RBFOX2: variants seen among roughly 807,000 people sequenced by gnomAD.
RBFOX2 encodes RNA binding fox-1 homolog 2.
RBFOX2 carries 10 observed loss-of-function variants against 49.1 expected under a neutral mutation model. The observed-to-expected ratio is 0.20, with a 90% confidence interval of 0.13 to 0.35. The LOEUF (loss-of-function observed/expected upper bound fraction) is 0.35. Ranked by LOEUF, RBFOX2 falls within the 10% of genes least tolerant of loss-of-function variation. The pLI is 1.00. For synonymous variants in RBFOX2, 183 were observed against 187.4 expected, an observed-to-expected ratio of 0.98 and a Z score of 0.19; for missense variants, 323 against 486.9, an observed-to-expected ratio of 0.66 and a Z score of 3.17.
In RBFOX2 at chr22:36,016,186, T is replaced by A. The variant is rs376249505; in HGVS notation, c.186+12054A>T. 2.0e-3 allele frequency among the ~76,000 whole-genome samples: 304 copies of A among 151,988 alleles called. 1 individual carries two copies. The highest frequency in any genetic ancestry group is 5.8e-3 in the South Asian group (28 of 4,812). The stretch of plus-strand genomic sequence containing the variant: ...CACTCCTTCAAACAATTCCAATTTG[T>A]ATGGGAAAAAGCTTCTTAAAAGAAA... On this transcript the variant is annotated intron_variant, in intron 1 of 13. Coordinates refer to the RBFOX2 transcript ENST00000438146.
chr22:35,850,019 C>T (rs142314899), intron 1 of RBFOX2, among the ~76,000 whole-genome samples: 2,401 of 152,120 alleles, frequency 0.016, 29 homozygotes, highest in Non-Finnish European at 0.023. Context: ...GGTAGGAAGT[C>T]TAAGGTATCC....
chr22:35,857,456 G>T (rs148482513), intron 1 of RBFOX2, among the ~76,000 whole-genome samples: 19 of 152,302 alleles, frequency 1.2e-4, no homozygotes, highest in Middle Eastern at 3.4e-3. Context: ...TAAGAGAAAG[G>T]TTCTAATTCT....
intron 1 of RBFOX2, among the ~76,000 whole-genome samples, chr22:35,854,989 A>G (rs1038297566): frequency 2.0e-5 from 3 of 152,152 alleles, no homozygotes; most frequent in Admixed American, 6.5e-5. Flanking sequence ...ATGTAGCCTC[A>G]GTTATTAACA....
intron 1 of RBFOX2, among the ~76,000 whole-genome samples, chr22:35,830,826 A>G (rs1052797607): frequency 4.6e-5 from 7 of 152,234 alleles, no homozygotes; most frequent in Non-Finnish European, 7.3e-5. Flanking sequence ...ATGAAAAGCA[A>G]TAAGGTATAA....
chr22:35,981,990 C>A (rs1169457923), intron 1 of RBFOX2, among the ~76,000 whole-genome samples: 2 of 152,176 alleles, frequency 1.3e-5, no homozygotes, highest in African/African-American at 2.4e-5. Flanking sequence ...GGAATGTAGG[C>A]ATAACAGCTA....
intron 1 of RBFOX2, among the ~76,000 whole-genome samples, chr22:36,023,091 T>C (rs1045430899): frequency 2.0e-5 from 3 of 152,188 alleles, no homozygotes; most frequent in African/African-American, 4.8e-5. Context: ...AATATTTTTA[T>C]AACTCTTCTT....
Position 35,892,321 on chromosome 22 carries a change from C to T in RBFOX2, c.-34+46526G>A, listed in dbSNP as rs2047345452. ...GTTTCTGAAACCCGTATTCTTTTCA[C>T]CACCTCATGCTGCCAACTGACGCTA... On this transcript the variant is annotated intron_variant, in intron 1 of 13. Transcript: ENST00000359369. Among the ~76,000 whole-genome samples the T allele has an allele frequency of 3.3e-5, 5 of 152,258 alleles. No individual in the cohort carries two copies. The South Asian group carries it at 8.3e-4, about 25-fold the overall frequency.
At chr22:35,965,796 G>A (rs530203997), upstream of RBFOX2, among the ~76,000 whole-genome samples, 1 of 152,232 alleles carries the variant, frequency 6.6e-6, no homozygotes, top group Admixed American at 6.5e-5. Context: ...AGCTCGACAG[G>A]AAAAGGATCA....
intron 1 of RBFOX2, chr22:36,000,005 A>ATATATTTT (rs10625815): frequency 5.0e-5 from 6 of 118,984 alleles, no homozygotes; most frequent in Non-Finnish European, 8.5e-5. Context: ...ATATATATAT[A>ATATATTTT]TTTTTTTTTT....
chr22:35,962,932 C>T (rs912495830), upstream of RBFOX2, among the ~76,000 whole-genome samples: 1 of 151,610 alleles, frequency 6.6e-6, no homozygotes, highest in Non-Finnish European at 1.5e-5. Flanking sequence ...GTAATAAGGG[C>T]TCCAAGCAGG....
upstream of RBFOX2, among the ~76,000 whole-genome samples, chr22:35,940,661 T>A (rs1388362040): frequency 6.6e-6 from 1 of 151,732 alleles, no homozygotes; most frequent in Non-Finnish European, 1.5e-5. Flanking sequence ...CATTATTTCA[T>A]AATAACCAAA....
intron 1 of RBFOX2, among the ~76,000 whole-genome samples, chr22:35,971,912 TAAAAAAA>T (rs527896726): frequency 1.0e-3 from 58 of 56,602 alleles, no homozygotes; most frequent in Non-Finnish European, 2.7e-4. Flanking sequence ...TTTTTCTCCC[TAAAAAAA>T]AAAAAAAAAA....
intron 1 of RBFOX2, among the ~76,000 whole-genome samples, chr22:36,018,605 A>G (rs548215656): frequency 1.3e-5 from 2 of 152,182 alleles, no homozygotes; most frequent in East Asian, 3.9e-4. Flanking sequence ...GCGTGGAGTA[A>G]CAAATTGACT....
intron 2 of RBFOX2, among the ~76,000 whole-genome samples, chr22:35,798,547 G>T (rs1297352826): frequency 6.6e-6 from 1 of 152,176 alleles, no homozygotes; most frequent in Non-Finnish European, 1.5e-5. Context: ...TAAAAGAGGA[G>T]TAATAACGAT....
intron 1 of RBFOX2, among the ~76,000 whole-genome samples, chr22:35,893,010 C>T (rs1349252645): frequency 2.0e-5 from 3 of 152,182 alleles, no homozygotes; most frequent in African/African-American, 4.8e-5. Context: ...TCCTTCTGCA[C>T]GTCCTCAATG....
intron 4 of RBFOX2, among the ~76,000 whole-genome samples, chr22:35,770,018 T>A (rs926807151): frequency 7.2e-5 from 11 of 152,318 alleles, no homozygotes; most frequent in Non-Finnish European, 1.2e-4. Context: ...CTAAAGAATG[T>A]GTAAGTTTGT....
At chr22:35,885,472 A>C (rs2046438200) in intron 1 of RBFOX2, among the ~76,000 whole-genome samples, 1 of 152,236 alleles carries the variant, frequency 6.6e-6, no homozygotes, top group Non-Finnish European at 1.5e-5. Flanking sequence ...CAAGAGCATA[A>C]AGATCATCTG....
At chr22:35,923,630 C>T (rs1001890152) in intron 1 of RBFOX2, among the ~76,000 whole-genome samples, 1 of 152,052 alleles carries the variant, frequency 6.6e-6, no homozygotes, top group African/African-American at 2.4e-5. Flanking sequence ...CAATTTTATG[C>T]CACTTATTAC....
At chr22:35,805,733 T>C (rs548552727) in intron 2 of RBFOX2, among the ~76,000 whole-genome samples, 1 of 152,318 alleles carries the variant, frequency 6.6e-6, no homozygotes, top group East Asian at 1.9e-4. Context: ...AAGATGCCCT[T>C]AAATTGGTCA....
Sources: allele counts gnomAD v4.1 joint callset (sites outside exome capture counted in the v4.1 genomes callset), GRCh38; gene constraint gnomAD v4.1.1; transcripts MANE v1.5; gene names NCBI Gene and HGNC (gene_info 2026-07-23, HGNC 2026-07-21).